MMRN2: variants seen among roughly 807,000 people sequenced by gnomAD.
MMRN2 encodes multimerin-2.
Under a neutral mutation model 68.8 loss-of-function variants are expected in MMRN2, and 53 were observed. The observed-to-expected ratio is 0.77, with a 90% CI of 0.62 to 0.97. MMRN2 has a LOEUF of 0.97. MMRN2 is among the 50% of genes least tolerant of loss of function. The probability of loss-of-function intolerance (pLI) is 0.00; values close to 1 mark genes in which losing one functional copy is unlikely to be tolerated. For missense variants in MMRN2, 1,266 were observed against 1,259.5 expected, an observed-to-expected ratio of 1.01 and a Z score of -0.08; for synonymous variants, 564 against 551.6, an observed-to-expected ratio of 1.02 and a Z score of -0.32.
chr10:86,949,894 G>GATA (rs113215807), intron 1 of MMRN2: 79,625 of 143,758 alleles, frequency 0.55, 21,954 homozygotes, highest in East Asian at 0.79. Context: ...TAATAATAAT[G>GATA]ATAATAATAA....
intron 6 of MMRN2, 35 bp from the exon 7 acceptor site, chr10:86,937,160 C>T: frequency 6.2e-7 from 1 of 1,600,514 alleles, no homozygotes; most frequent in Non-Finnish European, 8.5e-7. Context: ...AGTGATTCAT[C>T]CCTTACACCA....
In MMRN2 at chr10:86,943,275, G is replaced by A. The variant is rs765360552; in HGVS notation, c.1509C>T (p.Val503=). The part of the protein sequence containing the change: ...NCQKLYLDLD[V]IREGQRDATR... ...TGGCGTCCCTCTGGCCCTCCCGGAT[G>A]ACGTCCAGGTCTAAATAGAGCTTCT... is the stretch of plus-strand genomic sequence containing the variant. The change falls in exon 6 of 7, where the codon GTC becomes GTT. Residue 503 remains valine (V), a synonymous_variant. Transcript: ENST00000372027. The surrounding 1 kb of genome is among the most constrained non-coding windows in gnomAD (Gnocchi z 4.2). 2 of 1,613,394 alleles carry A rather than the reference G, an allele frequency of 1.2e-6. No homozygotes were observed. The highest frequency in any genetic ancestry group is 1.7e-5 in the Admixed American group (1 of 60,010).
At position 86,943,112 on chromosome 10, in the gene MMRN2, G is replaced by A. The variant is rs1471107925; in HGVS notation, c.1672C>T (p.Arg558Trp). The part of the protein sequence containing the change: ...DAHKAEGERA[R>W]AATSRLRSQV... ...CTCCGGAGCCGCGACGTGGCCGCCC[G>A]CGCCCGCTCGCCCTCCGCTTTGTGC... The change falls in exon 6 of 7, where the codon CGG (arginine) becomes TGG (tryptophan). Residue 558 changes from arginine (R) to tryptophan (W), a missense_variant. By Grantham distance (101) the Arg-to-Trp change is moderately radical. Coordinates refer to ENST00000372027, the MANE Select transcript of MMRN2 (RefSeq NM_024756.3). This position sits in a 1 kb window ranked among gnomAD's most constrained non-coding sequence, Gnocchi z 4.2. The A allele has an allele frequency of 2.0e-6, 3 of 1,499,464 alleles. No homozygotes were observed. Among genetic ancestry groups the A allele is most frequent in the East Asian group, 5.0e-5 (2 of 39,842 alleles). 92.9% of individuals were successfully genotyped at this position (1,499,464 alleles called of 1,614,324 possible).
chr10:86,937,493 C>T lies in MMRN2; in HGVS notation c.2468-368G>A, dbSNP rs537308969. The stretch of plus-strand genomic sequence containing the variant: ...GTAGAGATGGAGTCTTACTATGTTG[C>T]CCAGGCTGATCTGGAGCTCCTGGGC... On this transcript the variant is annotated intron_variant, in intron 6 of 6. Transcript: ENST00000372027. 1.3e-3 allele frequency among the ~76,000 whole-genome samples: 189 copies of T among 150,708 alleles called. 1 individual carries two copies. Among genetic ancestry groups the T allele is most frequent in the Non-Finnish European group, 2.1e-3 (144 of 67,844 alleles).
intron 6 of MMRN2, among the ~76,000 whole-genome samples, chr10:86,940,961 T>C (rs1201951505): frequency 2.0e-5 from 3 of 152,232 alleles, no homozygotes; most frequent in Non-Finnish European, 2.9e-5. Flanking sequence ...CCCAGGGCCC[T>C]GCAGGGACCA....
At chr10:86,948,906 T>A (rs549604335) in intron 1 of MMRN2, 2 of 152,322 alleles carry the variant, frequency 1.3e-5, no homozygotes, top group Non-Finnish European at 2.9e-5. Context: ...CAGTGAGCTA[T>A]GATTGCGCCA....
At chr10:86,949,186 A>G (rs1053554976) in intron 1 of MMRN2, 2 of 152,242 alleles carry the variant, frequency 1.3e-5, no homozygotes, top group African/African-American at 4.8e-5. Context: ...CTCAACAGCA[A>G]TATTGGAAAC....
chr10:86,946,646 G>T (rs1335767033), intron 1 of MMRN2, among the ~76,000 whole-genome samples: 2 of 152,176 alleles, frequency 1.3e-5, no homozygotes, highest in Non-Finnish European at 2.9e-5. Flanking sequence ...ACTCCATGGG[G>T]TCAGTGGCAG....
chr10:86,943,640 C>G lies in MMRN2; in HGVS notation c.1144G>C (p.Glu382Gln). ...RLGQLQRNLSELHMTTARREE... is the reference protein window; with the variant it reads ...RLGQLQRNLSQLHMTTARREE... ...CTGCGGGCCGTGGTCATGTGCAGCT[C>G]TGAGAGGTTCCTCTGCAGCTGGCCC... The change falls in exon 6 of 7, where the codon GAG becomes CAG. Residue 382 changes from glutamate (E) to glutamine (Q), a missense_variant. Coordinates refer to ENST00000372027, the MANE Select transcript of MMRN2 (RefSeq NM_024756.3). This position sits in a 1 kb window ranked among gnomAD's most constrained non-coding sequence, Gnocchi z 4.2. The G allele has an allele frequency of 1.2e-6, 2 of 1,613,426 alleles. No homozygotes were observed. Among genetic ancestry groups the G allele is most frequent in the Non-Finnish European group, 1.7e-6 (2 of 1,179,988 alleles).
chr10:86,943,484 C>T lies in MMRN2; in HGVS notation c.1300G>A (p.Glu434Lys). ...GCCGTGTGGTTCACCTGCAGCTCCT[C>T]CACCTGCCGCTCCACCTTGCTAATC... ...DQISKVERQV[E>K]ELQVNHTALR... The change falls in exon 6 of 7, where the codon GAG becomes AAG. Residue 434 changes from glutamate to lysine, a missense_variant. Physicochemically the swap from Glu to Lys is moderately conservative, Grantham distance 56. Transcript: ENST00000372027. This position sits in a 1 kb window ranked among gnomAD's most constrained non-coding sequence, Gnocchi z 4.2. 6.2e-7 allele frequency: 1 copy of T among 1,614,210 alleles called. No individual in the cohort carries two copies. Among genetic ancestry groups the T allele is most frequent in the Non-Finnish European group, 8.5e-7 (1 of 1,180,032 alleles).
At position 86,937,133 on chromosome 10, in the gene MMRN2, A is replaced by C; in HGVS notation, c.2468-8T>G. 6.2e-7 allele frequency: 1 copy of C among 1,613,414 alleles called. No individual in the cohort carries two copies. The highest frequency in any genetic ancestry group is 8.5e-7 in the Non-Finnish European group (1 of 1,179,478). The stretch of plus-strand genomic sequence containing the variant: ...AGAAGGCCACAGGGGATCCTGAAAC[A>C]TAACAGGACAGTGCTTAGTGATTCA... On this transcript the variant is annotated splice_region_variant and splice_polypyrimidine_tract_variant and intron_variant, in intron 6 of 6. Coordinates refer to ENST00000372027, the MANE Select transcript of MMRN2 (RefSeq NM_024756.3).
chr10:86,940,990 G>A (rs1226876300), intron 6 of MMRN2, among the ~76,000 whole-genome samples: 2 of 152,232 alleles, frequency 1.3e-5, no homozygotes, highest in Admixed American at 6.5e-5. Context: ...GGGCCTTCTG[G>A]AGGTGAAGAA....
Position 86,936,886 on chromosome 10 carries a change from C to T in MMRN2, c.2707G>A (p.Gly903Arg). ...AAGACCGTTGCTGTGCTTCCACTCC[C>T]CTGCCCAGTGGTACAGACTGGAGTC... is the stretch of plus-strand genomic sequence containing the variant. ...HRTPVCTTGQ[G>R]SGSTATVFAM... Residue 903 changes from glycine (G) to arginine (R), a missense_variant, in exon 7 of 7, where the codon GGG (glycine) becomes AGG (arginine). Gly to Arg is a moderately radical substitution (Grantham distance 125). Coordinates refer to ENST00000372027, the MANE Select transcript of MMRN2 (RefSeq NM_024756.3). The T allele has an allele frequency of 6.2e-7, 1 of 1,614,252 alleles. No individual in the cohort carries two copies. The highest frequency in any genetic ancestry group is 8.5e-7 in the Non-Finnish European group (1 of 1,180,044).
chr10:86,943,481 C>T lies in MMRN2; in HGVS notation c.1303G>A (p.Glu435Lys), dbSNP rs751575440. ...QISKVERQVE[E>K]LQVNHTALRE... ...AGCGCCGTGTGGTTCACCTGCAGCT[C>T]CTCCACCTGCCGCTCCACCTTGCTA... Residue 435 changes from glutamate (E) to lysine (K), a missense_variant, in exon 6 of 7, where the codon GAG (glutamate) becomes AAG (lysine). Transcript: ENST00000372027. The surrounding 1 kb of genome is among the most constrained non-coding windows in gnomAD (Gnocchi z 4.2). 4 of 1,614,202 alleles carry T rather than the reference C, an allele frequency of 2.5e-6. No homozygotes were observed. The highest frequency in any genetic ancestry group is 3.4e-6 in the Non-Finnish European group (4 of 1,180,044).
chr10:86,945,617 G>A lies in MMRN2; in HGVS notation c.237C>T (p.Ile79=), dbSNP rs756939977. The change falls in exon 2 of 7, where the codon ATC becomes ATT. Residue 79 remains isoleucine (I), a synonymous_variant. Transcript: ENST00000372027. ...CCTGCGGACACGGCTGCTGCGAGTGGATGAGGAATTTCTCTGTTTTGCAAA... is the reference window on the plus strand; with the variant it reads ...CCTGCGGACACGGCTGCTGCGAGTGAATGAGGAATTTCTCTGTTTTGCAAA... The part of the protein sequence containing the change: ...LALCKTEKFL[I]HSQQPCPQGA... 11 of 1,613,584 alleles carry A rather than the reference G, an allele frequency of 6.8e-6. No homozygotes were observed. The highest frequency in any genetic ancestry group is 9.3e-6 in the Non-Finnish European group (11 of 1,179,884).
At position 86,942,347 on chromosome 10, in the gene MMRN2, C is replaced by T; in HGVS notation, c.2437G>A (p.Gly813Ser). The T allele has an allele frequency of 6.2e-7, 1 of 1,613,326 alleles. No homozygotes were observed. Among genetic ancestry groups the T allele is most frequent in the South Asian group, 1.1e-5 (1 of 90,952 alleles). Residue 813 changes from glycine to serine, a missense_variant, in exon 6 of 7, where the codon GGT becomes AGT. Transcript: ENST00000372027. ...VDIRVTGPVP[G>S]ALGAALWEAG... ...TCCCAGAGCGCCGCGCCCAAGGCACCTGGCACAGGCCCTGTGACCCGTATG... is the reference window on the plus strand; with the variant it reads ...TCCCAGAGCGCCGCGCCCAAGGCACTTGGCACAGGCCCTGTGACCCGTATG...
chr10:86,945,175 G>A lies in MMRN2; in HGVS notation c.481+13C>T, dbSNP rs1844047316. 1.2e-6 allele frequency: 2 copies of A among 1,612,916 alleles called. No homozygotes were observed. Among genetic ancestry groups the A allele is most frequent in the African/African-American group, 2.7e-5 (2 of 74,932 alleles). On this transcript the variant is annotated intron_variant, in intron 4 of 6. Transcript: ENST00000372027. Reference sequence around the variant, plus strand: ...CCAGCCTGCCTGCCTTCCCCTTCCGGAAAGCAACACACCAGGTTTGAAGCT... The same window carrying A: ...CCAGCCTGCCTGCCTTCCCCTTCCGAAAAGCAACACACCAGGTTTGAAGCT...
Position 86,943,637 on chromosome 10 carries a change from G to A in MMRN2, c.1147C>T (p.Leu383=), listed in dbSNP as rs769585175. The A allele has an allele frequency of 2.5e-6, 4 of 1,613,428 alleles. No individual in the cohort carries two copies. The highest frequency in any genetic ancestry group is 3.4e-6 in the Non-Finnish European group (4 of 1,179,980). The change falls in exon 6 of 7, where the codon CTG becomes TTG. Residue 383 remains leucine, a synonymous_variant. Coordinates refer to ENST00000372027, the MANE Select transcript of MMRN2 (RefSeq NM_024756.3). This position sits in a 1 kb window ranked among gnomAD's most constrained non-coding sequence, Gnocchi z 4.2. The part of the protein sequence containing the change: ...LGQLQRNLSE[L]HMTTARREEE... ...TCCCTGCGGGCCGTGGTCATGTGCA[G>A]CTCTGAGAGGTTCCTCTGCAGCTGG...
At position 86,943,521 on chromosome 10, in the gene MMRN2, C is replaced by G; in HGVS notation, c.1263G>C (p.Glu421Asp). ...EIKELYSESDETFDQISKVER... is the reference protein window; with the variant it reads ...EIKELYSESDDTFDQISKVER... ...CCACCTTGCTAATCTGATCGAAAGT[C>G]TCGTCCGATTCGGAGTACAGTTCCT... The change falls in exon 6 of 7, where the codon GAG (glutamate) becomes GAC (aspartate). Residue 421 changes from glutamate to aspartate, a missense_variant. Glu to Asp is a conservative substitution (Grantham distance 45). Transcript: ENST00000372027. The surrounding 1 kb of genome is among the most constrained non-coding windows in gnomAD (Gnocchi z 4.2). 1 of 1,614,252 alleles carries G rather than the reference C, an allele frequency of 6.2e-7. No individual in the cohort carries two copies. Among genetic ancestry groups the G allele is most frequent in the Non-Finnish European group, 8.5e-7 (1 of 1,180,048 alleles).
Sources: gnomAD v4.1 joint callset for allele counts (sites outside exome capture counted in the v4.1 genomes callset) on GRCh38, gnomAD v4.1.1 for gene constraint, Gnocchi (gnomAD v3.1) non-coding constraint, MANE v1.5 for transcripts, NCBI Gene and HGNC (gene_info 2026-07-23, HGNC 2026-07-21) for gene names.